SOX5: variants seen among roughly 807,000 people sequenced by gnomAD.
SOX5 encodes the protein transcription factor SOX-5.
In SOX5, 9 loss-of-function variants were observed where a neutral mutation model predicts 92.0. That is an observed-to-expected ratio of 0.10 (90% CI 0.06 to 0.17). The LOEUF (loss-of-function observed/expected upper bound fraction) is 0.17. SOX5 is among the 10% of genes least tolerant of loss of function. The pLI, the probability that SOX5 is intolerant of heterozygous loss-of-function variation, is 1.00. For synonymous variants in SOX5, 344 were observed against 336.3 expected (o/e 1.02, Z -0.25); for missense variants, 642 against 944.5 (o/e 0.68, Z 4.20).
At chr12:24,296,393 C>T (rs549860498) in intron 2 of SOX5, among the ~76,000 whole-genome samples, 1 of 152,128 alleles carries the variant, frequency 6.6e-6, no homozygotes, top group South Asian at 2.1e-4. Flanking sequence ...GAAGCCACAG[C>T]GCTCCTTCTG....
chr12:23,716,444 T>G (rs1262593063), intron 6 of SOX5, among the ~76,000 whole-genome samples: 1 of 152,194 alleles, frequency 6.6e-6, no homozygotes, highest in East Asian at 1.9e-4. Context: ...AGCAAACTCT[T>G]TTAGACACTA....
chr12:23,827,151 T>G (rs1484456392), intron 3 of SOX5, among the ~76,000 whole-genome samples: 1 of 152,182 alleles, frequency 6.6e-6, no homozygotes, highest in African/African-American at 2.4e-5. Context: ...ATGGTACATT[T>G]CTTAGAAGGA....
chr12:24,117,836 A>G (rs1247645546), intron 4 of SOX5, among the ~76,000 whole-genome samples: 1 of 152,024 alleles, frequency 6.6e-6, no homozygotes, highest in African/African-American at 2.4e-5. Context: ...CCTGGCCAAC[A>G]TAGTGAAACC....
At chr12:24,408,445 A>G (rs148471561) in intron 1 of SOX5, among the ~76,000 whole-genome samples, 1 of 152,302 alleles carries the variant, frequency 6.6e-6, no homozygotes, top group Admixed American at 6.5e-5. Flanking sequence ...CATTGTCACA[A>G]CCACGATACT....
intron 9 of SOX5, among the ~76,000 whole-genome samples, chr12:23,602,328 T>C (rs971871965): frequency 6.6e-6 from 1 of 152,132 alleles, no homozygotes; most frequent in African/African-American, 2.4e-5. Context: ...TTCTTAATCT[T>C]AGCAAAGCAA....
At chr12:24,316,262 G>A (rs2140860389) in intron 2 of SOX5, among the ~76,000 whole-genome samples, 1 of 152,302 alleles carries the variant, frequency 6.6e-6, no homozygotes, top group East Asian at 1.9e-4. Context: ...GAGTAGAAGG[G>A]TGGAGGGTCT....
chr12:23,685,743 GC>G (rs2087442967), intron 6 of SOX5, among the ~76,000 whole-genome samples: 2 of 151,548 alleles, frequency 1.3e-5, no homozygotes, highest in South Asian at 4.2e-4. Flanking sequence ...CATCCCAGCA[GC>G]CCCCTGGAGG....
chr12:24,278,538 C>T (rs969476613), intron 2 of SOX5, among the ~76,000 whole-genome samples: 1 of 152,030 alleles, frequency 6.6e-6, no homozygotes, highest in Non-Finnish European at 1.5e-5. Context: ...CACTGAGACT[C>T]CAGCTCTACA....
chr12:23,563,729 T>G (rs1357930885), intron 10 of SOX5, among the ~76,000 whole-genome samples: 1 of 152,242 alleles, frequency 6.6e-6, no homozygotes, highest in Non-Finnish European at 1.5e-5. Flanking sequence ...TATTTTGTAG[T>G]GCAAATATAA....
intron 4 of SOX5, among the ~76,000 whole-genome samples, chr12:24,018,172 C>G (rs11047211): frequency 0.59 from 89,143 of 152,078 alleles, 27,660 homozygotes; most frequent in East Asian, 0.97. Flanking sequence ...CCCAGCTTCC[C>G]TGACCACGTC....
intron 4 of SOX5, among the ~76,000 whole-genome samples, chr12:24,174,466 C>A (rs572089292): frequency 6.6e-6 from 1 of 152,072 alleles, no homozygotes; most frequent in Non-Finnish European, 1.5e-5. Context: ...CTCAGTGAGA[C>A]CAAACCAATT....
chr12:24,171,241 G>C (rs1198811199), intron 4 of SOX5, among the ~76,000 whole-genome samples: 2 of 50,622 alleles, frequency 4.0e-5, no homozygotes, highest in Non-Finnish European at 7.7e-5. Context: ...TTTTTTTTTT[G>C]GAGACAGAGT....
chr12:24,485,129 G>A (rs1268866292), intron 1 of SOX5, among the ~76,000 whole-genome samples: 4 of 152,050 alleles, frequency 2.6e-5, no homozygotes, highest in Non-Finnish European at 5.9e-5. Flanking sequence ...ATAGAAGAAG[G>A]AAACACAAGT....
chr12:23,849,306 A>C (rs1408448925), intron 2 of SOX5, among the ~76,000 whole-genome samples: 1 of 152,216 alleles, frequency 6.6e-6, no homozygotes, highest in Non-Finnish European at 1.5e-5. Flanking sequence ...TCAATCTATC[A>C]GACAGTAATT....
At chr12:23,969,726 C>T (rs1004344588) in intron 4 of SOX5, among the ~76,000 whole-genome samples, 6 of 152,120 alleles carry the variant, frequency 3.9e-5, no homozygotes, top group African/African-American at 1.4e-4. Flanking sequence ...GTTAATTATT[C>T]CATTTATTTT....
intron 4 of SOX5, among the ~76,000 whole-genome samples, chr12:24,211,216 C>T (rs945608129): frequency 2.0e-5 from 3 of 152,192 alleles, no homozygotes; most frequent in Admixed American, 6.5e-5. Flanking sequence ...TCCTCTATTC[C>T]ATTCTCTCCT....
chr12:23,675,865 G>T (rs1300471255), intron 6 of SOX5, among the ~76,000 whole-genome samples: 1 of 152,040 alleles, frequency 6.6e-6, no homozygotes, highest in African/African-American at 2.4e-5. Context: ...TTTTCCCAAA[G>T]AAAACATAAA....
At chr12:23,898,958 T>C (rs746860914) in intron 1 of SOX5, among the ~76,000 whole-genome samples, 5 of 152,234 alleles carry the variant, frequency 3.3e-5, no homozygotes, top group Non-Finnish European at 7.3e-5. Flanking sequence ...AAATTACATA[T>C]AGATATATCA....
chr12:24,244,650 T>C (rs1234938569), intron 3 of SOX5, among the ~76,000 whole-genome samples: 2 of 152,220 alleles, frequency 1.3e-5, no homozygotes, highest in East Asian at 1.9e-4. Flanking sequence ...GGTGAAACAC[T>C]CATCACAGTG....
Sources: gnomAD v4.1 joint callset for allele counts (sites outside exome capture counted in the v4.1 genomes callset) on GRCh38, gnomAD v4.1.1 for gene constraint, MANE v1.5 for transcripts, NCBI Gene and HGNC (gene_info 2026-07-23, HGNC 2026-07-21) for gene names.